Variants in MYO3A observed in about 807,000 individuals in gnomAD.
MYO3A encodes myosin-IIIa.
Under a neutral mutation model 192.7 loss-of-function variants are expected in MYO3A, and 180 were observed. The observed-to-expected ratio is 0.93, with a 90% CI of 0.83 to 1.06. The LOEUF is 1.06. Among genes scored for constraint, MYO3A ranks in the 50% least tolerant of loss-of-function variants. The probability of loss-of-function intolerance (pLI) is 0.00; values close to 1 mark genes in which losing one functional copy is unlikely to be tolerated. For missense variants in MYO3A, 1,896 were observed against 1,905.0 expected (o/e 1.00, Z 0.09); for synonymous variants, 628 against 645.3 (o/e 0.97, Z 0.41).
intron 17 of MYO3A, among the ~76,000 whole-genome samples, chr10:26,106,430 G>T (rs1011299719): frequency 2.6e-5 from 4 of 151,960 alleles, no homozygotes; most frequent in Admixed American, 6.6e-5. Flanking sequence ...CAGAATTTTT[G>T]AGATATATAA....
chr10:26,123,188 GCA>G (rs1313301321), intron 18 of MYO3A, among the ~76,000 whole-genome samples: 1 of 151,950 alleles, frequency 6.6e-6, no homozygotes, highest in Non-Finnish European at 1.5e-5. Context: ...AAAATCAAAA[GCA>G]CAAATTATTT....
intron 4 of MYO3A, among the ~76,000 whole-genome samples, chr10:25,962,424 G>C (rs1189447399): frequency 6.6e-6 from 1 of 152,094 alleles, no homozygotes; most frequent in African/African-American, 2.4e-5. Context: ...ACACTTGAAT[G>C]AAGTTTTATG....
chr10:26,000,162 C>A (rs946491798), intron 6 of MYO3A, among the ~76,000 whole-genome samples: 2 of 152,186 alleles, frequency 1.3e-5, no homozygotes, highest in African/African-American at 4.8e-5. Context: ...ACAGAGTAAG[C>A]AACTAATGAG....
At chr10:26,177,741 ACAT>A (rs1313367585) in intron 31 of MYO3A, among the ~76,000 whole-genome samples, 3 of 152,200 alleles carry the variant, frequency 2.0e-5, no homozygotes, top group African/African-American at 4.8e-5. Context: ...GGGATCCCTG[ACAT>A]CATCTCTGCA....
intron 25 of MYO3A, 54 bp downstream of exon 25, chr10:26,154,877 G>T: frequency 6.9e-7 from 1 of 1,454,272 alleles, no homozygotes; most frequent in South Asian, 1.2e-5. Flanking sequence ...TAGTCTAAAT[G>T]AGTTACAGAT....
intron 26 of MYO3A, among the ~76,000 whole-genome samples, chr10:26,165,680 A>G (rs907937917): frequency 1.8e-4 from 19 of 105,988 alleles, no homozygotes; most frequent in African/African-American, 6.1e-4. Flanking sequence ...TTTTGTTAAC[A>G]CTCAATGTGA....
At chr10:26,031,244 G>C (rs963435785) in intron 10 of MYO3A, among the ~76,000 whole-genome samples, 1 of 152,294 alleles carries the variant, frequency 6.6e-6, no homozygotes, top group Non-Finnish European at 1.5e-5. Context: ...GAGAGGATGG[G>C]AGAGAGCCAG....
intron 31 of MYO3A, among the ~76,000 whole-genome samples, chr10:26,184,995 T>C (rs1056425829): frequency 1.3e-5 from 2 of 152,198 alleles, no homozygotes; most frequent in Non-Finnish European, 2.9e-5. Flanking sequence ...GCTGATAAGC[T>C]CATGGGAAGT....
intron 10 of MYO3A, among the ~76,000 whole-genome samples, 196 bp downstream of exon 10, chr10:26,026,728 G>A (rs1842565542): frequency 6.6e-6 from 1 of 152,198 alleles, no homozygotes; most frequent in East Asian, 1.9e-4. Flanking sequence ...TTGAAACAGA[G>A]TCTTGCTCTG....
chr10:26,032,113 T>G (rs753703592), intron 10 of MYO3A, among the ~76,000 whole-genome samples: 26 of 152,342 alleles, frequency 1.7e-4, no homozygotes, highest in Non-Finnish European at 3.1e-4. Flanking sequence ...GCATATAATT[T>G]CATAGAAATA....
intron 8 of MYO3A, 33 bp downstream of exon 8, chr10:26,021,681 A>G (rs1842315031): frequency 6.2e-7 from 1 of 1,612,740 alleles, no homozygotes; most frequent in Non-Finnish European, 8.5e-7. Context: ...CAGTATCTGC[A>G]GCCCGATTTA....
rs183347061 is a variant in MYO3A at position 26,021,663 on chromosome 10, A to G, written c.731+15A>G. 1.9e-6 allele frequency: 3 copies of G among 1,613,756 alleles called. No individual in the cohort carries two copies. The highest frequency in any genetic ancestry group is 1.7e-6 in the Non-Finnish European group (2 of 1,179,784). On this transcript the variant is annotated intron_variant, in intron 8 of 34. Coordinates refer to ENST00000642920, the MANE Select transcript of MYO3A (RefSeq NM_017433.5). ...AAAATACCAAGGTCAGATGACTAAC[A>G]TTGGGTCCAGTATCTGCAGCCCGAT...
In MYO3A at chr10:25,954,959, A is replaced by G. The variant is rs1471260922; in HGVS notation, c.254A>G (p.Tyr85Cys). 3.1e-6 allele frequency: 5 copies of G among 1,612,940 alleles called. No individual in the cohort carries two copies. Among genetic ancestry groups the G allele is most frequent in the Non-Finnish European group, 4.2e-6 (5 of 1,179,234 alleles). The change falls in exon 4 of 35, where the codon TAC becomes TGC. Residue 85 changes from tyrosine (Y) to cysteine (C), a missense_variant. Transcript: ENST00000642920. ...AATGTGGTCAGATTCTATGGGATAT[A>G]CTTTAAGAAGGATAAAGTAAATGGA... ...HPNVVRFYGI[Y>C]FKKDKVNGDK...
chr10:26,187,483 G>C (rs1181429905), intron 31 of MYO3A, among the ~76,000 whole-genome samples: 1 of 145,050 alleles, frequency 6.9e-6, no homozygotes, highest in Non-Finnish European at 1.5e-5. Flanking sequence ...ATTTGTGTGT[G>C]TCTGTCTTTT....
chr10:25,956,495 ATT>A (rs562368305), intron 4 of MYO3A, among the ~76,000 whole-genome samples: 374 of 128,804 alleles, frequency 2.9e-3, no homozygotes, highest in African/African-American at 8.7e-3. Context: ...GCCCAGCTAA[ATT>A]TTTTTTTTTT....
In MYO3A at chr10:25,955,006, G is replaced by C. The variant is rs1456411630; in HGVS notation, c.301G>C (p.Glu101Gln). The C allele has an allele frequency of 1.2e-6, 2 of 1,612,788 alleles. No individual in the cohort carries two copies. The highest frequency in any genetic ancestry group is 8.5e-7 in the Non-Finnish European group (1 of 1,179,078). ...VNGDKLWLVL[E>Q]LCSGGSVTDL... ...TGGAGACAAGCTGTGGTTGGTTCTT[G>C]AGGTAAGTGTGTCAGCATCATTTGT... is the stretch of plus-strand genomic sequence containing the variant. Residue 101 changes from glutamate (E) to glutamine (Q), a missense_variant and splice_region_variant, in exon 4 of 35, where the codon GAG becomes CAG. Physicochemically the swap from Glu to Gln is conservative, Grantham distance 29. Transcript: ENST00000642920.
chr10:26,081,133 T>TACCCCCCCCCCCCCCC, intron 14 of MYO3A, among the ~76,000 whole-genome samples: 1 of 84,984 alleles, frequency 1.2e-5, no homozygotes, highest in Non-Finnish European at 2.5e-5. Flanking sequence ...TATATGCCCT[T>TACCCCCCCCCCCCCCC]CCCCCCCCCC....
chr10:26,212,041 G>A lies in MYO3A; in HGVS notation c.*78G>A, dbSNP rs751970608. ...GCAGGGGCCAAGCAGGCACTCTGGGGCTGGCACCAGCAGGCACTGAAGCTG... is the reference window on the plus strand; with the variant it reads ...GCAGGGGCCAAGCAGGCACTCTGGGACTGGCACCAGCAGGCACTGAAGCTG... On this transcript the variant is annotated 3_prime_UTR_variant, in exon 35 of 35. Coordinates refer to ENST00000642920, the MANE Select transcript of MYO3A (RefSeq NM_017433.5). The A allele has an allele frequency of 1.2e-5, 18 of 1,547,026 alleles. No individual in the cohort carries two copies. The highest frequency in any genetic ancestry group is 1.5e-5 in the Non-Finnish European group (17 of 1,142,794).
chr10:26,097,460 A>T (rs2131564609), intron 17 of MYO3A, among the ~76,000 whole-genome samples: 1 of 152,150 alleles, frequency 6.6e-6, no homozygotes, highest in East Asian at 1.9e-4. Context: ...ATATGTATAC[A>T]TGTGCCATGT....
Sources: allele counts gnomAD v4.1 joint callset (sites outside exome capture counted in the v4.1 genomes callset), GRCh38; gene constraint gnomAD v4.1.1; transcripts MANE v1.5; gene names NCBI Gene and HGNC (gene_info 2026-07-23, HGNC 2026-07-21).